VCP: variants seen among roughly 807,000 people sequenced by gnomAD.
VCP encodes the protein transitional endoplasmic reticulum ATPase.
VCP carries 6 observed loss-of-function variants against 85.7 expected under a neutral mutation model. The observed-to-expected ratio is 0.07, with a 90% confidence interval of 0.04 to 0.14. The LOEUF (loss-of-function observed/expected upper bound fraction) is 0.14, where lower values mean the gene tolerates loss of function less well. Ranked by LOEUF, VCP falls within the 10% of genes least tolerant of loss-of-function variation. The probability of loss-of-function intolerance (pLI) is 1.00; values close to 1 mark genes in which losing one functional copy is unlikely to be tolerated. For synonymous variants in VCP, 384 were observed against 367.1 expected (o/e 1.05, Z -0.53); for missense variants, 353 against 1,043.4 (o/e 0.34, Z 9.12).
At chr9:35,066,871 T>A (rs763916932) in intron 3 of VCP, 54 bp from the exon 4 acceptor site, 59 of 1,613,060 alleles carry the variant, frequency 3.7e-5, no homozygotes, top group Non-Finnish European at 4.7e-5. Context: ...GCCCAAGCAC[T>A]GGGTGTCCAA....
chr9:35,057,881 G>C, intron 15 of VCP: 1 of 375,872 alleles, frequency 2.7e-6, no homozygotes, highest in Non-Finnish European at 5.1e-6. Context: ...CATGGAAATG[G>C]TATATAGAAA....
intron 15 of VCP, among the ~76,000 whole-genome samples, chr9:35,058,774 A>C (rs1828662985): frequency 6.9e-6 from 1 of 145,326 alleles, no homozygotes. Context: ...CTCAAAAAAA[A>C]AACAAAAAAC....
chr9:35,068,354 C>A lies in VCP; in HGVS notation c.26G>T (p.Gly9Val). 6 of 1,614,114 alleles carry A rather than the reference C, an allele frequency of 3.7e-6. No homozygotes were observed. Among genetic ancestry groups the A allele is most frequent in the Non-Finnish European group, 5.1e-6 (6 of 1,180,010 alleles). ...GAGAATGGCTGTTGATAGGTCATCA[C>A]CTTTTGAACTAGAAGGAGGAAATGG... Reference protein sequence around the residue: MASGADSKGDDLSTAILKQ... With the variant: MASGADSKVDDLSTAILKQ... Residue 9 changes from glycine to valine, a missense_variant, in exon 2 of 17, where the codon GGT becomes GTT. Gly to Val is a moderately radical substitution (Grantham distance 109). This residue lies in a region of VCP where 69 missense variants were observed against 132.9 expected (regional missense o/e 0.52). Coordinates refer to ENST00000358901, the MANE Select transcript of VCP (RefSeq NM_007126.5).
chr9:35,071,236 A>C (rs910246330), intron 1 of VCP, among the ~76,000 whole-genome samples: 3 of 151,890 alleles, frequency 2.0e-5, no homozygotes, highest in Admixed American at 1.3e-4. Context: ...CACCTCAAAA[A>C]ACTAATCTCT....
rs1045967193 is a variant in VCP, at chr9:35,060,930, A to T, written c.1360-7T>A. The T allele has an allele frequency of 6.2e-7, 1 of 1,614,066 alleles. No individual in the cohort carries two copies. The highest frequency in any genetic ancestry group is 1.3e-5 in the African/African-American group (1 of 74,920). On this transcript the variant is annotated splice_region_variant and splice_polypyrimidine_tract_variant and intron_variant, in intron 11 of 16. Coordinates refer to ENST00000358901, the MANE Select transcript of VCP (RefSeq NM_007126.5). ...TACTCTGGCTCAAGGCCCACTAGAAAAGGAGGGAAAACTGGGGATGAGACT... is the reference window on the plus strand; with the variant it reads ...TACTCTGGCTCAAGGCCCACTAGAATAGGAGGGAAAACTGGGGATGAGACT...
In VCP at chr9:35,059,900, AG is replaced by A; in HGVS notation, c.1696-100del. ...GTATTCCCAGCACTTTGGGAGGCCA[AG>A]GTGGGAGGATCACTTGAGGCCAGAA... On this transcript the variant is annotated intron_variant, in intron 13 of 16. Transcript: ENST00000358901. The surrounding 1 kb of genome is among the most constrained non-coding windows in gnomAD (Gnocchi z 4.9). 1 of 1,483,916 alleles carries A rather than the reference AG, an allele frequency of 6.7e-7. No homozygotes were observed. The highest frequency in any genetic ancestry group is 9.3e-7 in the Non-Finnish European group (1 of 1,070,586). The allele number at this position is 1,483,916 out of a possible 1,614,324, so 91.9% of individuals were successfully genotyped here.
intron 1 of VCP, 158 bp downstream of exon 1, chr9:35,072,179 C>A: frequency 1.4e-6 from 2 of 1,418,678 alleles, no homozygotes. Context: ...GCCGGGCCTG[C>A]CGGGTCCACG....
At position 35,072,588 on chromosome 9, in the gene VCP, A is replaced by AG; in HGVS notation, c.-236_-235insC. 6.2e-6 allele frequency: 3 copies of AG among 484,358 alleles called. No individual in the cohort carries two copies. Among genetic ancestry groups the AG allele is most frequent in the Non-Finnish European group, 1.1e-5 (3 of 280,864 alleles). 30.0% of individuals were successfully genotyped at this position (484,358 alleles called of 1,614,324 possible). On this transcript the variant is annotated 5_prime_UTR_variant, in exon 1 of 17. Coordinates refer to ENST00000358901, the MANE Select transcript of VCP (RefSeq NM_007126.5). ...GGCAGTGGCAGCGGCAGCGGCAGCG[A>AG]CGACTCAAACGACGGTCGCAGACGC...
rs983686116 is a variant in VCP, at chr9:35,058,964, T to C, written c.2160+100A>G. 1.2e-5 allele frequency: 18 copies of C among 1,522,362 alleles called. No individual in the cohort carries two copies. The African/African-American group carries it at 1.8e-4, about 15-fold the overall frequency. The allele number at this position is 1,522,362 out of a possible 1,614,324, so 94.3% of individuals were successfully genotyped here. On this transcript the variant is annotated intron_variant, in intron 15 of 16. Coordinates refer to ENST00000358901, the MANE Select transcript of VCP (RefSeq NM_007126.5). Reference sequence around the variant, plus strand: ...CCTATTAAAATTCTTCTCAGTTAGATGATCTTTCCAACAGCTTCTACTCTC... The same window carrying C: ...CCTATTAAAATTCTTCTCAGTTAGACGATCTTTCCAACAGCTTCTACTCTC...
chr9:35,067,393 T>C (rs955321006), intron 3 of VCP, among the ~76,000 whole-genome samples: 5 of 152,082 alleles, frequency 3.3e-5, no homozygotes, highest in African/African-American at 9.7e-5. Flanking sequence ...ATCACTCACA[T>C]TGAGAGCTAT....
At chr9:35,063,778 C>T (rs911988417) in intron 6 of VCP, among the ~76,000 whole-genome samples, 1 of 152,190 alleles carries the variant, frequency 6.6e-6, no homozygotes, top group Non-Finnish European at 1.5e-5. Context: ...TGAAAATTTC[C>T]TTAACTTCCT....
chr9:35,065,256 G>T lies in VCP; in HGVS notation c.571C>A (p.Arg191=), dbSNP rs768042101. ...VIHCEGEPIK[R]EDEEESLNEV... ...GAATCAGGGAGAAAACTCACCTCTC[G>T]TTTGATAGGCTCCCCTTCGCAGTGG... The change falls in exon 5 of 17, where the codon CGA becomes AGA. Residue 191 remains arginine (R), a synonymous_variant. Transcript: ENST00000358901. 9 of 1,613,976 alleles carry T rather than the reference G, an allele frequency of 5.6e-6. No individual in the cohort carries two copies. Among genetic ancestry groups the T allele is most frequent in the African/African-American group, 5.3e-5 (4 of 74,894 alleles).
At chr9:35,071,685 G>A in intron 1 of VCP, 1 of 983,682 alleles carries the variant, frequency 1.0e-6, no homozygotes, top group Non-Finnish European at 1.2e-6. Flanking sequence ...AAGAAGACCA[G>A]AAGCGAAAGG....
chr9:35,071,399 G>A (rs1488370971), intron 1 of VCP, among the ~76,000 whole-genome samples: 1 of 149,170 alleles, frequency 6.7e-6, no homozygotes, highest in African/African-American at 2.5e-5. Context: ...TAAGGATGGA[G>A]GTGGGGTCAG....
rs998630349 is a variant in VCP at position 35,059,371 on chromosome 9, A to C, written c.2004+122T>G. The C allele has an allele frequency of 3.3e-6, 5 of 1,530,478 alleles. No homozygotes were observed. Among genetic ancestry groups the C allele is most frequent in the African/African-American group, 2.7e-5 (2 of 72,882 alleles). 94.8% of individuals were successfully genotyped at this position (1,530,478 alleles called of 1,614,324 possible). ...TCTAGATTATCTTGATATCCTCAAAAATTCTACCTTCCCTTTAGACCAACC... is the reference window on the plus strand; with the variant it reads ...TCTAGATTATCTTGATATCCTCAAACATTCTACCTTCCCTTTAGACCAACC... On this transcript the variant is annotated intron_variant, in intron 14 of 16. Transcript: ENST00000358901. The surrounding 1 kb of genome is among the most constrained non-coding windows in gnomAD (Gnocchi z 4.9).
chr9:35,067,749 G>A, intron 3 of VCP, 142 bp downstream of exon 3: 1 of 1,107,942 alleles, frequency 9.0e-7, no homozygotes, highest in Non-Finnish European at 1.3e-6. Context: ...CAACCCTGAA[G>A]CATAAGTCTT....
At position 35,059,412 on chromosome 9, in the gene VCP, T is replaced by G. The variant is rs1030217310; in HGVS notation, c.2004+81A>C. ...TAGACCAACCCTAACCCCAGTGGAA[T>G]CTTGTCCAGAAACTAAAGAGCACTC... On this transcript the variant is annotated intron_variant, in intron 14 of 16. Coordinates refer to ENST00000358901, the MANE Select transcript of VCP (RefSeq NM_007126.5). This position sits in a 1 kb window ranked among gnomAD's most constrained non-coding sequence, Gnocchi z 4.9. 3 of 1,572,268 alleles carry G rather than the reference T, an allele frequency of 1.9e-6. No individual in the cohort carries two copies. In the African/African-American group the frequency reaches 4.0e-5, roughly 21 times the overall value.
rs1828982848 is a variant in VCP at position 35,072,567 on chromosome 9, G to C, written c.-214C>G. ...CCTGATCCGCGAGGTGGCAGTGGCA[G>C]TGGCAGCGGCAGCGGCAGCGACGAC... On this transcript the variant is annotated 5_prime_UTR_variant, in exon 1 of 17. Coordinates refer to ENST00000358901, the MANE Select transcript of VCP (RefSeq NM_007126.5). 1.9e-6 allele frequency: 1 copy of C among 539,740 alleles called. No homozygotes were observed. The highest frequency in any genetic ancestry group is 3.0e-6 in the Non-Finnish European group (1 of 329,746). The allele number at this position is 539,740 out of a possible 1,614,324, so 33.4% of individuals were successfully genotyped here. A position where few individuals can be genotyped will look rare whatever the true frequency, so the allele number is the denominator to read the frequency against.
chr9:35,064,322 A>C, intron 5 of VCP, 37 bp from the exon 6 acceptor site: 1 of 1,612,302 alleles, frequency 6.2e-7, no homozygotes, highest in Non-Finnish European at 8.5e-7. Flanking sequence ...AGAAGGCAAG[A>C]ATATTATATC....
Sources: gnomAD v4.1 joint callset for allele counts (sites outside exome capture counted in the v4.1 genomes callset) on GRCh38, gnomAD v4.1.1 for gene constraint, gnomAD v4.1.1 regional missense constraint, Gnocchi (gnomAD v3.1) non-coding constraint, MANE v1.5 for transcripts, NCBI Gene and HGNC (gene_info 2026-07-23, HGNC 2026-07-21) for gene names.